The following METTL15 variants were observed in gnomAD, a reference collection of about 807,000 sequenced individuals.
METTL15 encodes the protein 12S rRNA N(4)-cytidine methyltransferase METTL15.
Under a neutral mutation model 38.3 loss-of-function variants are expected in METTL15, and 34 were observed. The observed-to-expected ratio is 0.89, with a 90% CI of 0.68 to 1.18. The LOEUF (loss-of-function observed/expected upper bound fraction) is 1.18. METTL15 is among the 50% of genes most tolerant of loss of function. The pLI is 0.00. For synonymous variants in METTL15, 162 were observed against 170.9 expected (o/e 0.95, Z 0.41); for missense variants, 438 against 498.4 (o/e 0.88, Z 1.15).
intron 4 of METTL15, among the ~76,000 whole-genome samples, chr11:28,352,672 T>C (rs1401162387): frequency 2.0e-5 from 3 of 152,122 alleles, no homozygotes; most frequent in African/African-American, 7.2e-5. Context: ...GATTCTGATT[T>C]CTCCCAGTAC....
chr11:28,240,977 T>C (rs926932964), intron 4 of METTL15, among the ~76,000 whole-genome samples: 1 of 152,208 alleles, frequency 6.6e-6, no homozygotes, highest in African/African-American at 2.4e-5. Flanking sequence ...AAAGAGCTTA[T>C]ATGTTTCTGA....
In METTL15 at chr11:28,333,239, C is replaced by G. The variant is rs112528734; in HGVS notation, c.*2398C>G. ...ACAGAAAAAAATCTTGGATAATATGCATGAGAAAAATCCTTCAATAAACAC... is the reference window on the plus strand; with the variant it reads ...ACAGAAAAAAATCTTGGATAATATGGATGAGAAAAATCCTTCAATAAACAC... On this transcript the variant is annotated 3_prime_UTR_variant, in exon 7 of 7. Coordinates refer to ENST00000407364, the MANE Select transcript of METTL15 (RefSeq NM_001113528.2). 6.8e-4 allele frequency: 104 copies of G among 152,078 alleles called. 1 individual carries two copies. Among genetic ancestry groups the G allele is most frequent in the African/African-American group, 2.3e-3 (96 of 41,482 alleles). The allele number at this position is 152,078 out of a possible 1,614,324, so 9.4% of individuals were successfully genotyped here.
At chr11:28,328,181 T>C (rs746792701) in intron 6 of METTL15, 2 of 1,606,844 alleles carry the variant, frequency 1.2e-6, no homozygotes, top group Admixed American at 3.4e-5. Flanking sequence ...AAGCTGGCCT[T>C]CCTTTTCAGT....
At chr11:28,448,753 A>ATT (rs1348436728) in intron 6 of METTL15, among the ~76,000 whole-genome samples, 2 of 152,018 alleles carry the variant, frequency 1.3e-5, no homozygotes, top group Non-Finnish European at 2.9e-5. Flanking sequence ...CCAAGTGCAT[A>ATT]TTTGCATTTG....
chr11:28,247,176 T>G (rs1162729023), intron 4 of METTL15, among the ~76,000 whole-genome samples: 1 of 152,148 alleles, frequency 6.6e-6, no homozygotes, highest in Non-Finnish European at 1.5e-5. Flanking sequence ...GAATGCACAC[T>G]GATTTCAAAT....
intron 3 of METTL15, among the ~76,000 whole-genome samples, chr11:28,123,193 C>T (rs1399360387): frequency 6.6e-6 from 1 of 152,086 alleles, no homozygotes; most frequent in Non-Finnish European, 1.5e-5. Context: ...ACACACGAGT[C>T]ATCCTCAGTA....
intron 5 of METTL15, among the ~76,000 whole-genome samples, chr11:28,293,360 A>G (rs1275596018): frequency 6.6e-6 from 1 of 152,100 alleles, no homozygotes; most frequent in African/African-American, 2.4e-5. Context: ...AAGATCAGAT[A>G]GTTGTAGATA....
rs189587083 is a variant in METTL15 at position 28,494,583 on chromosome 11, G to T, written c.*425-31895G>T. Among the ~76,000 whole-genome samples, 6 of 152,052 alleles carry T rather than the reference G, an allele frequency of 3.9e-5. No individual in the cohort carries two copies. In the East Asian group the frequency reaches 9.7e-4, roughly 25 times the overall value. ...CTGAGATGGAGAATGATATGGTTTG[G>T]CTGTGTCCCCACCCAAATCTCATCT... On this transcript the variant is annotated intron_variant and NMD_transcript_variant, in intron 6 of 7. Coordinates refer to the METTL15 transcript ENST00000532947.
At position 28,181,376 on chromosome 11, in the gene METTL15, T is replaced by C. The variant is rs578019602; in HGVS notation, c.271-29686T>C. The stretch of plus-strand genomic sequence containing the variant: ...ATACTCATCAACCCGTCATCTACAA[T>C]AGGTATTTCTCCTAATGCTATCCCT... On this transcript the variant is annotated intron_variant, in intron 3 of 6. Coordinates refer to ENST00000407364, the MANE Select transcript of METTL15 (RefSeq NM_001113528.2). 4.0e-5 allele frequency among the ~76,000 whole-genome samples: 6 copies of C among 151,160 alleles called. No homozygotes were observed. The South Asian group carries it at 6.3e-4, about 16-fold the overall frequency.
At chr11:28,168,616 C>CT (rs1311137776) in intron 3 of METTL15, among the ~76,000 whole-genome samples, 1 of 142,800 alleles carries the variant, frequency 7.0e-6, no homozygotes, top group African/African-American at 2.7e-5. Flanking sequence ...ATCCCTCCCC[C>CT]TCCCCCCATG....
chr11:28,229,026 T>TG (rs1173268335), intron 4 of METTL15, among the ~76,000 whole-genome samples: 2 of 151,920 alleles, frequency 1.3e-5, no homozygotes, highest in African/African-American at 2.4e-5. Flanking sequence ...GTCAATGACT[T>TG]AATCTTTCTA....
intron 5 of METTL15, among the ~76,000 whole-genome samples, chr11:28,371,150 A>G (rs956861612): frequency 6.6e-6 from 1 of 151,912 alleles, no homozygotes; most frequent in African/African-American, 2.4e-5. Flanking sequence ...GTGTTTCCCC[A>G]ATGTTTTCTT....
Position 28,524,116 on chromosome 11 carries a change from C to T in METTL15, c.*425-2362C>T, listed in dbSNP as rs550427139. Among the ~76,000 whole-genome samples, 9 of 152,274 alleles carry T rather than the reference C, an allele frequency of 5.9e-5. No individual in the cohort carries two copies. The East Asian group carries it at 1.5e-3, about 26-fold the overall frequency. On this transcript the variant is annotated intron_variant and NMD_transcript_variant, in intron 6 of 7. Transcript: ENST00000532947. ...AATTGGTTTTCATTTCCACTTTTTA[C>T]CAAGATGTTACTAGGAAAATAAAGC...
In METTL15 at chr11:28,448,515, C is replaced by A. The variant is rs79661829; in HGVS notation, c.*424+24151C>A. Among the ~76,000 whole-genome samples, 288 of 152,258 alleles carry A rather than the reference C, an allele frequency of 1.9e-3. 4 individuals carry two copies. In the East Asian group the frequency reaches 0.036, roughly 19 times the overall value. On this transcript the variant is annotated intron_variant and NMD_transcript_variant, in intron 6 of 7. Transcript: ENST00000532947. ...CTATGTTTGGGCTGGGACCATCATG[C>A]CCCATCAGACACCAAGCAGTTCTCC...
chr11:28,274,812 G>A (rs930299462), intron 4 of METTL15, among the ~76,000 whole-genome samples: 1 of 151,888 alleles, frequency 6.6e-6, no homozygotes, highest in African/African-American at 2.4e-5. Flanking sequence ...AAGAGGGATA[G>A]CATTAGGAGA....
At chr11:28,147,508 A>G (rs1849928730) in intron 3 of METTL15, among the ~76,000 whole-genome samples, 1 of 151,866 alleles carries the variant, frequency 6.6e-6, no homozygotes, top group Non-Finnish European at 1.5e-5. Context: ...TAGTATGTAA[A>G]ATTAATGCTG....
intron 5 of METTL15, among the ~76,000 whole-genome samples, chr11:28,381,009 G>C (rs540704270): frequency 6.6e-6 from 1 of 151,600 alleles, no homozygotes; most frequent in Admixed American, 6.6e-5. Context: ...TTTTTGTTTT[G>C]AGACAGTGTC....
intron 5 of METTL15, among the ~76,000 whole-genome samples, chr11:28,411,971 G>T (rs963844636): frequency 1.3e-5 from 2 of 152,068 alleles, no homozygotes. Flanking sequence ...TGTGAAGATG[G>T]CCAGCAGGTA....
At chr11:28,151,311 G>A (rs368352664) in intron 3 of METTL15, among the ~76,000 whole-genome samples, 20 of 151,706 alleles carry the variant, frequency 1.3e-4, no homozygotes, top group East Asian at 5.8e-4. Context: ...CTCTTACCGT[G>A]CTGACTGCAA....
Sources: gnomAD v4.1 joint callset for allele counts (sites outside exome capture counted in the v4.1 genomes callset) on GRCh38, gnomAD v4.1.1 for gene constraint, MANE v1.5 for transcripts, NCBI Gene and HGNC (gene_info 2026-07-23, HGNC 2026-07-21) for gene names.